Variants in ADGRG5 observed in about 807,000 individuals in gnomAD.
The protein encoded by ADGRG5 is G protein-coupled receptor 114.
ADGRG5 carries 37 observed loss-of-function variants against 53.2 expected under a neutral mutation model. That is an observed-to-expected ratio of 0.70 (90% CI 0.53 to 0.91). The LOEUF (loss-of-function observed/expected upper bound fraction) is 0.91. Among genes scored for constraint, ADGRG5 ranks in the 40% least tolerant of loss-of-function variants. The pLI is 0.00. For synonymous variants in ADGRG5, 277 were observed against 290.4 expected, an observed-to-expected ratio of 0.95 and a Z score of 0.47; for missense variants, 614 against 675.8, an observed-to-expected ratio of 0.91 and a Z score of 1.01.
chr16:57,574,961 C>G lies in ADGRG5; in HGVS notation c.1355C>G (p.Ala452Gly). Residue 452 changes from alanine (A) to glycine (G), a missense_variant, in exon 11 of 12, where the codon GCC becomes GGC. Transcript: ENST00000349457. This position sits in a 1 kb window ranked among gnomAD's most constrained non-coding sequence, Gnocchi z 4.4. ...RERADAPSVR[A>G]CHDTVTVLGL... ...CGGGCGGATGCACCAAGTGTCAGGG[C>G]CTGCCATGACACTGTCACTGTGCTG... is the stretch of plus-strand genomic sequence containing the variant. 6.2e-7 allele frequency: 1 copy of G among 1,613,768 alleles called. No individual in the cohort carries two copies. The highest frequency in any genetic ancestry group is 1.3e-5 in the African/African-American group (1 of 75,066).
At chr16:57,538,448 TA>T (rs2032440233), upstream of ADGRG5, among the ~76,000 whole-genome samples, 1 of 152,190 alleles carries the variant, frequency 6.6e-6, no homozygotes, top group Admixed American at 6.5e-5. Flanking sequence ...TACAAAAAGA[TA>T]AAAAGTTTAG....
chr16:57,530,171 C>G, the ADGRG5 span, among the ~76,000 whole-genome samples: 1 of 152,088 alleles, frequency 6.6e-6, no homozygotes, highest in Non-Finnish European at 1.5e-5. Flanking sequence ...CCTTCTCTGC[C>G]GGAACCACCC....
upstream of ADGRG5, among the ~76,000 whole-genome samples, chr16:57,539,067 G>A (rs1345452960): frequency 6.6e-6 from 1 of 152,202 alleles, no homozygotes; most frequent in African/African-American, 2.4e-5. Context: ...AAAGGTGGAA[G>A]TAACTGAAGT....
intron 9 of ADGRG5, among the ~76,000 whole-genome samples, chr16:57,569,377 T>A (rs563521382): frequency 1.8e-3 from 266 of 147,972 alleles, no homozygotes; most frequent in Non-Finnish European, 2.6e-3. Context: ...CTCCTCCACC[T>A]CCATCAACTC....
Position 57,574,768 on chromosome 16 carries a change from C to A in ADGRG5, c.1209-47C>A, listed in dbSNP as rs558567162. The stretch of plus-strand genomic sequence containing the variant: ...TCAGGGAGTGATGCTGGCCTCCCCG[C>A]GGGCCTGGGAGCCACTGTGAGCCTG... On this transcript the variant is annotated intron_variant, in intron 10 of 11. Transcript: ENST00000349457. The surrounding 1 kb of genome is among the most constrained non-coding windows in gnomAD (Gnocchi z 4.4). The A allele has an allele frequency of 3.9e-6, 6 of 1,520,210 alleles. No individual in the cohort carries two copies. The highest frequency in any genetic ancestry group is 5.3e-6 in the Non-Finnish European group (6 of 1,134,730). The allele number at this position is 1,520,210 out of a possible 1,614,324, so 94.2% of individuals were successfully genotyped here.
At position 57,566,727 on chromosome 16, in the gene ADGRG5, C is replaced by A; in HGVS notation, c.675C>A (p.His225Gln). The change falls in exon 7 of 12, where the codon CAC (histidine) becomes CAA (glutamine). Residue 225 changes from histidine to glutamine, a missense_variant. Physicochemically the swap from His to Gln is conservative, Grantham distance 24 (BLOSUM62 0). Coordinates refer to ENST00000349457, the MANE Select transcript of ADGRG5 (RefSeq NM_001304376.3). ...CTCAGGTGCTCTGCCGCTGCAACCA[C>A]CTCACCTACTTTGCTGTTCTCATGG... is the stretch of plus-strand genomic sequence containing the variant. ...SHSQVLCRCN[H>Q]LTYFAVLMQL... 6.4e-7 allele frequency: 1 copy of A among 1,561,568 alleles called. No individual in the cohort carries two copies. Among genetic ancestry groups the A allele is most frequent in the Non-Finnish European group, 8.7e-7 (1 of 1,154,106 alleles).
intron 8 of ADGRG5, 129 bp from the exon 9 acceptor site, chr16:57,567,727 T>G: frequency 7.1e-7 from 1 of 1,411,262 alleles, no homozygotes; most frequent in Non-Finnish European, 9.7e-7. Context: ...AGCCTTGTGG[T>G]GCGACTGCTG....
At position 57,563,908 on chromosome 16, in the gene ADGRG5, G is replaced by C. The variant is rs2146799779; in HGVS notation, c.358G>C (p.Asp120His). 1 of 1,614,080 alleles carries C rather than the reference G, an allele frequency of 6.2e-7. No individual in the cohort carries two copies. The highest frequency in any genetic ancestry group is 8.5e-7 in the Non-Finnish European group (1 of 1,179,992). ...GCAGTTCCCCGCCGAGCTGACCCGG[G>C]ACGCCTGCAAGACCCGCCCCAGGGA... The part of the protein sequence containing the change: ...AMQFPAELTR[D>H]ACKTRPRELR... Residue 120 changes from aspartate (D) to histidine (H), a missense_variant, in exon 5 of 12, where the codon GAC (aspartate) becomes CAC (histidine). Transcript: ENST00000349457.
At chr16:57,575,375 A>T in intron 11 of ADGRG5, 63 bp from the exon 12 acceptor site, 1 of 1,487,754 alleles carries the variant, frequency 6.7e-7, no homozygotes, top group Non-Finnish European at 9.4e-7. Context: ...GCTGCAGCCA[A>T]GGAGACCCTG....
At chr16:57,559,141 C>T (rs1352550688) in intron 1 of ADGRG5, among the ~76,000 whole-genome samples, 11 of 152,118 alleles carry the variant, frequency 7.2e-5, no homozygotes, top group Non-Finnish European at 1.3e-4. Context: ...TGAGCCAAGG[C>T]GCCCAGCACT....
At chr16:57,530,427 C>T in the ADGRG5 span, among the ~76,000 whole-genome samples, 1 of 152,142 alleles carries the variant, frequency 6.6e-6, no homozygotes, top group Non-Finnish European at 1.5e-5. Flanking sequence ...GAGCCCTGGT[C>T]CACAGATCTT....
In ADGRG5 at chr16:57,574,149, G is replaced by C. The variant is rs1305200469; in HGVS notation, c.1209-666G>C. Among the ~76,000 whole-genome samples the C allele has an allele frequency of 1.3e-5, 2 of 152,250 alleles. No individual in the cohort carries two copies. Among genetic ancestry groups the C allele is most frequent in the Admixed American group, 1.3e-4 (2 of 15,284 alleles). ...CTTGAAGGTGTCTTGGGGAGGCAAA[G>C]GGCAGAGGCCTCCGGGAGGGCGTGG... On this transcript the variant is annotated intron_variant, in intron 10 of 11. Transcript: ENST00000349457. This position sits in a 1 kb window ranked among gnomAD's most constrained non-coding sequence, Gnocchi z 4.4.
In ADGRG5 at chr16:57,575,679, G is replaced by C; in HGVS notation, c.*141G>C. On this transcript the variant is annotated 3_prime_UTR_variant, in exon 12 of 12. Coordinates refer to ENST00000349457, the MANE Select transcript of ADGRG5 (RefSeq NM_001304376.3). ...GCCAAGGGGCCTTTTCCACTTCCACGGCCTCTCCAGGCACTGAGGGGAAGG... is the reference window on the plus strand; with the variant it reads ...GCCAAGGGGCCTTTTCCACTTCCACCGCCTCTCCAGGCACTGAGGGGAAGG... 1 of 640,974 alleles carries C rather than the reference G, an allele frequency of 1.6e-6. No individual in the cohort carries two copies. The highest frequency in any genetic ancestry group is 1.8e-5 in the South Asian group (1 of 54,804). 39.7% of individuals were successfully genotyped at this position (640,974 alleles called of 1,614,324 possible). A position where few individuals can be genotyped will look rare whatever the true frequency, so the allele number is the denominator to read the frequency against.
At position 57,566,768 on chromosome 16, in the gene ADGRG5, AGT is replaced by A. The variant is rs2033144417; in HGVS notation, c.699+19_699+20del. Reference sequence around the variant, plus strand: ...GTTCTCATGGTATGTATGCATCCTGAGTGGGGCTCAGAGCTACAGAGGGCCCT... The same window carrying A: ...GTTCTCATGGTATGTATGCATCCTGAGGGGCTCAGAGCTACAGAGGGCCCT... On this transcript the variant is annotated intron_variant, in intron 7 of 11. Coordinates refer to ENST00000349457, the MANE Select transcript of ADGRG5 (RefSeq NM_001304376.3). 1 of 1,442,842 alleles carries A rather than the reference AGT, an allele frequency of 6.9e-7. No homozygotes were observed. The highest frequency in any genetic ancestry group is 9.2e-7 in the Non-Finnish European group (1 of 1,092,370). The allele number at this position is 1,442,842 out of a possible 1,614,324, so 89.4% of individuals were successfully genotyped here.
At chr16:57,547,383 C>G (rs1430610390) in intron 1 of ADGRG5, among the ~76,000 whole-genome samples, 2 of 152,214 alleles carry the variant, frequency 1.3e-5, no homozygotes, top group South Asian at 4.1e-4. Context: ...TATTTTCAAC[C>G]TGTCCTTTCC....
At chr16:57,550,283 A>G (rs1228731523) in intron 1 of ADGRG5, among the ~76,000 whole-genome samples, 3 of 152,144 alleles carry the variant, frequency 2.0e-5, no homozygotes, top group African/African-American at 7.2e-5. Context: ...CGGCCCATCT[A>G]TATACATCTT....
chr16:57,574,578 C>T lies in ADGRG5; in HGVS notation c.1209-237C>T, dbSNP rs75846779. ...TGAAGACATGGGGACGTGAGAGAAACCACTGTGGCTGGAAAGGTGGGCATG... is the reference window on the plus strand; with the variant it reads ...TGAAGACATGGGGACGTGAGAGAAATCACTGTGGCTGGAAAGGTGGGCATG... On this transcript the variant is annotated intron_variant, in intron 10 of 11. Coordinates refer to ENST00000349457, the MANE Select transcript of ADGRG5 (RefSeq NM_001304376.3). The surrounding 1 kb of genome is among the most constrained non-coding windows in gnomAD (Gnocchi z 4.4). 7.2e-5 allele frequency among the ~76,000 whole-genome samples: 11 copies of T among 152,272 alleles called. No individual in the cohort carries two copies. In the East Asian group the frequency reaches 1.9e-3, roughly 27 times the overall value.
At chr16:57,551,653 T>C (rs1427248456) in intron 1 of ADGRG5, among the ~76,000 whole-genome samples, 3 of 152,218 alleles carry the variant, frequency 2.0e-5, no homozygotes, top group Non-Finnish European at 2.9e-5. Context: ...ACTGAAGTTT[T>C]GAACCCCTCA....
intron 9 of ADGRG5, among the ~76,000 whole-genome samples, chr16:57,569,837 C>T (rs1170521603): frequency 6.6e-6 from 1 of 151,874 alleles, no homozygotes; most frequent in Non-Finnish European, 1.5e-5. Context: ...ACCTCCTCCA[C>T]GTCTATCATC....
Sources: allele counts gnomAD v4.1 joint callset (sites outside exome capture counted in the v4.1 genomes callset), GRCh38; gene constraint gnomAD v4.1.1; non-coding constraint Gnocchi (gnomAD v3.1); transcripts MANE v1.5; gene names NCBI Gene and HGNC (gene_info 2026-07-23, HGNC 2026-07-21).